SBF2: variants seen among roughly 807,000 people sequenced by gnomAD.
SBF2 encodes the protein SET binding factor 2.
A neutral mutation model predicts 225.2 loss-of-function variants in SBF2; 112 were observed. That is an observed-to-expected ratio of 0.50 (90% CI 0.43 to 0.58). The LOEUF is 0.58. Among genes scored for constraint, SBF2 ranks in the 20% least tolerant of loss-of-function variants. SBF2 has a pLI of 0.00. For synonymous variants in SBF2, 763 were observed against 773.3 expected (o/e 0.99, Z 0.22); for missense variants, 1,996 against 2,206.2 (o/e 0.90, Z 1.91).
chr11:9,874,131 CATG>C (rs1483856129), intron 17 of SBF2, among the ~76,000 whole-genome samples: 1 of 152,058 alleles, frequency 6.6e-6, no homozygotes, highest in East Asian at 1.9e-4. Flanking sequence ...ATTAAATCTG[CATG>C]ATATTATTAC....
At chr11:10,214,689 C>T (rs1958064547) in intron 1 of SBF2, among the ~76,000 whole-genome samples, 1 of 152,122 alleles carries the variant, frequency 6.6e-6, no homozygotes. Context: ...CTAAATGGAT[C>T]ATCAATCAGT....
At chr11:10,289,914 A>G (rs1964055877) in intron 1 of SBF2, among the ~76,000 whole-genome samples, 1 of 152,068 alleles carries the variant, frequency 6.6e-6, no homozygotes. Flanking sequence ...TCCTGCCCAG[A>G]GGCACAAGGG....
At chr11:10,255,172 C>G (rs968346534) in intron 1 of SBF2, among the ~76,000 whole-genome samples, 3 of 151,974 alleles carry the variant, frequency 2.0e-5, no homozygotes, top group African/African-American at 7.3e-5. Context: ...TATTGTATGT[C>G]ATGGGGACTA....
At chr11:9,795,054 G>A (rs1419792108) in intron 33 of SBF2, among the ~76,000 whole-genome samples, 1 of 151,990 alleles carries the variant, frequency 6.6e-6, no homozygotes, top group Non-Finnish European at 1.5e-5. Context: ...ACTGATTTTC[G>A]TTTGCTTAAC....
At chr11:10,219,784 T>C (rs1958276154) in intron 1 of SBF2, among the ~76,000 whole-genome samples, 1 of 152,138 alleles carries the variant, frequency 6.6e-6, no homozygotes, top group South Asian at 2.1e-4. Context: ...TTACTCCAGT[T>C]CCCAACAAGT....
At chr11:10,103,766 T>C (rs1188436791) in intron 2 of SBF2, among the ~76,000 whole-genome samples, 1 of 151,644 alleles carries the variant, frequency 6.6e-6, no homozygotes, top group African/African-American at 2.4e-5. Context: ...AAAACAGGAG[T>C]TAACTGAATG....
rs112692961 is a variant in SBF2, at chr11:9,997,903, A to G, written c.975+363T>C. 3.9e-3 allele frequency among the ~76,000 whole-genome samples: 596 copies of G among 152,362 alleles called. 3 individuals carry two copies. Among genetic ancestry groups the G allele is most frequent in the African/African-American group, 0.014 (568 of 41,590 alleles). On this transcript the variant is annotated intron_variant, in intron 9 of 39. Coordinates refer to ENST00000256190, the MANE Select transcript of SBF2 (RefSeq NM_030962.4). ...GGTACCAAAGAGGAATGAGATGCCA[A>G]TAGGGAGGTTAGAGAAGAGAAGCCA...
intron 2 of SBF2, among the ~76,000 whole-genome samples, chr11:10,072,644 G>A (rs1428033358): frequency 6.6e-6 from 1 of 151,014 alleles, no homozygotes; most frequent in Non-Finnish European, 1.5e-5. Flanking sequence ...ACAAATAGAA[G>A]GAATGCTATC....
intron 13 of SBF2, among the ~76,000 whole-genome samples, chr11:9,974,359 T>C (rs1017617244): frequency 2.6e-5 from 4 of 152,176 alleles, no homozygotes; most frequent in African/African-American, 9.7e-5. Context: ...CTTTATCCAC[T>C]AGATGACAGT....
intron 9 of SBF2, among the ~76,000 whole-genome samples, chr11:9,996,664 C>T (rs1947717998): frequency 6.6e-6 from 1 of 152,242 alleles, no homozygotes; most frequent in South Asian, 2.1e-4. Context: ...GCTGGGATTA[C>T]AGGCGTGAGC....
intron 2 of SBF2, among the ~76,000 whole-genome samples, chr11:10,089,977 C>G (rs1951714108): frequency 6.6e-6 from 1 of 152,130 alleles, no homozygotes; most frequent in Non-Finnish European, 1.5e-5. Context: ...GTGATATAAG[C>G]ACACAATGAA....
intron 1 of SBF2, among the ~76,000 whole-genome samples, chr11:10,302,351 C>G (rs536290156): frequency 1.4e-4 from 22 of 152,268 alleles, no homozygotes; most frequent in Non-Finnish European, 2.9e-4. Context: ...CTCACCCATG[C>G]AAGCGGGGTG....
chr11:10,102,287 G>A (rs1466898534), intron 2 of SBF2, among the ~76,000 whole-genome samples: 2 of 152,196 alleles, frequency 1.3e-5, no homozygotes, highest in East Asian at 3.8e-4. Context: ...GCTGGAAAGA[G>A]TAAGACCTCA....
intron 13 of SBF2, among the ~76,000 whole-genome samples, chr11:9,972,798 TAG>T (rs1168128404): frequency 2.0e-5 from 3 of 152,182 alleles, no homozygotes; most frequent in Non-Finnish European, 4.4e-5. Flanking sequence ...AAGTTTTAAA[TAG>T]AGTCTTCCCA....
At chr11:10,146,974 T>A (rs1417141569) in intron 2 of SBF2, among the ~76,000 whole-genome samples, 1 of 150,974 alleles carries the variant, frequency 6.6e-6, no homozygotes, top group Non-Finnish European at 1.5e-5. Flanking sequence ...TCAATTTCAC[T>A]AATCATTAGG....
intron 17 of SBF2, among the ~76,000 whole-genome samples, chr11:9,862,767 A>AT (rs569116397): frequency 1.3e-5 from 2 of 151,978 alleles, no homozygotes; most frequent in East Asian, 1.9e-4. Flanking sequence ...TGTTTATTTT[A>AT]TTTTTTTGAT....
chr11:10,164,850 A>G (rs1955887098), intron 2 of SBF2: 1 of 152,244 alleles, frequency 6.6e-6, no homozygotes, highest in Admixed American at 6.5e-5. Context: ...ATCTCAACAC[A>G]CTTAGGGCTA....
intron 17 of SBF2, among the ~76,000 whole-genome samples, chr11:9,865,533 C>A (rs1219448005): frequency 4.0e-5 from 6 of 149,970 alleles, no homozygotes; most frequent in African/African-American, 1.5e-4. Flanking sequence ...CTACTAAAAA[C>A]ATAAAAATTA....
chr11:9,813,647 T>A (rs1050828139), intron 29 of SBF2, among the ~76,000 whole-genome samples: 2 of 152,056 alleles, frequency 1.3e-5, no homozygotes, highest in Non-Finnish European at 2.9e-5. Flanking sequence ...AAGTCAATAA[T>A]AAAAAATTAC....
Sources: gnomAD v4.1 joint callset for allele counts (sites outside exome capture counted in the v4.1 genomes callset) on GRCh38, gnomAD v4.1.1 for gene constraint, MANE v1.5 for transcripts, NCBI Gene and HGNC (gene_info 2026-07-23, HGNC 2026-07-21) for gene names.